SAMD3: variants seen among roughly 807,000 people sequenced by gnomAD.
SAMD3 encodes sterile alpha motif domain containing 3.
A neutral mutation model predicts 58.5 loss-of-function variants in SAMD3; 63 were observed. The observed-to-expected ratio is 1.08, with a 90% CI of 0.88 to 1.33. The LOEUF (loss-of-function observed/expected upper bound fraction) is 1.33, where lower values mean the gene tolerates loss of function less well. Ranked by LOEUF, SAMD3 falls within the 40% of genes most tolerant of loss-of-function variation. The pLI is 0.00. For synonymous variants in SAMD3, 220 were observed against 210.3 expected (o/e 1.05, Z -0.40); for missense variants, 604 against 608.4 (o/e 0.99, Z 0.08).
upstream of SAMD3, among the ~76,000 whole-genome samples, chr6:130,225,080 AAG>A (rs1209538987): frequency 6.6e-6 from 1 of 152,192 alleles, no homozygotes; most frequent in African/African-American, 2.4e-5. Flanking sequence ...AGTACTGAGC[AAG>A]AGAGTGAGTG....
intron 8 of SAMD3, among the ~76,000 whole-genome samples, chr6:130,168,021 T>C (rs1231322977): frequency 5.9e-5 from 9 of 152,124 alleles, no homozygotes; most frequent in Non-Finnish European, 1.3e-4. Context: ...AGAGCAAAAA[T>C]GGCAAAGAGA....
intron 1 of SAMD3, among the ~76,000 whole-genome samples, chr6:130,363,490 G>T (rs889339457): frequency 1.3e-5 from 2 of 152,116 alleles, no homozygotes; most frequent in Non-Finnish European, 2.9e-5. Context: ...CAGAGGAAGA[G>T]CCTTTTTTTG....
At chr6:130,266,807 T>C (rs12200842) in intron 2 of SAMD3, among the ~76,000 whole-genome samples, 46,977 of 151,716 alleles carry the variant, frequency 0.31, 7,593 homozygotes, top group East Asian at 0.47. Context: ...CTATGCTTCT[T>C]GCGAAAAGCG....
Position 130,145,323 on chromosome 6 carries a change from A to G in SAMD3, c.1278+17T>C. The G allele has an allele frequency of 7.2e-7, 1 of 1,384,620 alleles. No individual in the cohort carries two copies. Among genetic ancestry groups the G allele is most frequent in the Non-Finnish European group, 9.9e-7 (1 of 1,011,666 alleles). 85.8% of individuals were successfully genotyped at this position (1,384,620 alleles called of 1,614,324 possible). ...GATGTAAAATGTCAAACTAGTGGCCATTCACATACTACATACCTGTTCATT... is the reference window on the plus strand; with the variant it reads ...GATGTAAAATGTCAAACTAGTGGCCGTTCACATACTACATACCTGTTCATT... On this transcript the variant is annotated intron_variant, in intron 11 of 11. Coordinates refer to ENST00000439090, the MANE Select transcript of SAMD3 (RefSeq NM_001017373.4).
At chr6:130,341,760 T>C (rs557531453) in intron 1 of SAMD3, among the ~76,000 whole-genome samples, 6 of 152,284 alleles carry the variant, frequency 3.9e-5, no homozygotes, top group Non-Finnish European at 5.9e-5. Flanking sequence ...CATGGAAACA[T>C]GATCTTTTGA....
At chr6:130,205,214 T>C (rs1446679002) in intron 5 of SAMD3, among the ~76,000 whole-genome samples, 2 of 151,962 alleles carry the variant, frequency 1.3e-5, no homozygotes, top group East Asian at 1.9e-4. Flanking sequence ...AAAATTGATG[T>C]TATTCAAACA....
intron 2 of SAMD3, among the ~76,000 whole-genome samples, chr6:130,251,958 T>A (rs1398389853): frequency 1.3e-5 from 2 of 152,074 alleles, no homozygotes; most frequent in African/African-American, 4.8e-5. Flanking sequence ...CTTTTTTTTT[T>A]ATTGAACTTC....
At chr6:130,193,545 G>T (rs1388189092) in intron 5 of SAMD3, among the ~76,000 whole-genome samples, 1 of 151,704 alleles carries the variant, frequency 6.6e-6, no homozygotes, top group Admixed American at 6.6e-5. Context: ...CCTTCCCTCT[G>T]TGTCTCTACT....
chr6:130,292,898 G>A (rs531062057), intron 2 of SAMD3, among the ~76,000 whole-genome samples: 6 of 152,158 alleles, frequency 3.9e-5, no homozygotes, highest in African/African-American at 1.2e-4. Flanking sequence ...GATTACATGC[G>A]TGAACCACCA....
At chr6:130,218,088 G>T (rs1216329921) in intron 1 of SAMD3, among the ~76,000 whole-genome samples, 1 of 152,192 alleles carries the variant, frequency 6.6e-6, no homozygotes, top group Non-Finnish European at 1.5e-5. Context: ...TCTCTCTTTA[G>T]TTCAGCTAAG....
intron 2 of SAMD3, chr6:130,215,805 T>C: frequency 6.5e-7 from 1 of 1,534,736 alleles, no homozygotes; most frequent in Non-Finnish European, 8.7e-7. Flanking sequence ...ACCCCTTGCT[T>C]CTCCTGGCTA....
At chr6:130,262,972 T>G (rs1167003352) in intron 2 of SAMD3, among the ~76,000 whole-genome samples, 1 of 152,096 alleles carries the variant, frequency 6.6e-6, no homozygotes, top group African/African-American at 2.4e-5. Context: ...TATAAAAGGT[T>G]AAAAAGAATC....
intron 2 of SAMD3, among the ~76,000 whole-genome samples, chr6:130,253,732 C>T (rs190098679): frequency 5.0e-4 from 73 of 145,618 alleles, no homozygotes; most frequent in African/African-American, 1.8e-3. Context: ...TTCCTTGCCA[C>T]CAAATTAAAA....
At chr6:130,167,791 G>C (rs1354222140) in intron 8 of SAMD3, among the ~76,000 whole-genome samples, 1 of 152,152 alleles carries the variant, frequency 6.6e-6, no homozygotes, top group Non-Finnish European at 1.5e-5. Flanking sequence ...ATGAGGTCTT[G>C]AGATTGGAAA....
At chr6:130,219,741 T>A (rs1582964420) in intron 1 of SAMD3, among the ~76,000 whole-genome samples, 1 of 152,234 alleles carries the variant, frequency 6.6e-6, no homozygotes, top group East Asian at 1.9e-4. Context: ...ATTGATGGGG[T>A]TTGGGGTTGG....
At chr6:130,305,405 C>G (rs1241638359) in intron 2 of SAMD3, among the ~76,000 whole-genome samples, 2 of 152,026 alleles carry the variant, frequency 1.3e-5, no homozygotes, top group African/African-American at 4.8e-5. Context: ...AATTCTTTGA[C>G]TTATTTTTTC....
chr6:130,267,345 A>C (rs1774396343), intron 2 of SAMD3, among the ~76,000 whole-genome samples: 1 of 152,194 alleles, frequency 6.6e-6, no homozygotes, highest in African/African-American at 2.4e-5. Context: ...TACTTCTTCA[A>C]ATGATAAAAA....
intron 5 of SAMD3, among the ~76,000 whole-genome samples, chr6:130,191,706 A>C (rs1793564477): frequency 6.6e-6 from 1 of 151,930 alleles, no homozygotes; most frequent in Non-Finnish European, 1.5e-5. Context: ...AATTTAAAGG[A>C]ATTTTTTCAT....
At chr6:130,286,588 A>G (rs1775163194) in intron 2 of SAMD3, among the ~76,000 whole-genome samples, 1 of 152,132 alleles carries the variant, frequency 6.6e-6, no homozygotes, top group Admixed American at 6.5e-5. Context: ...TGGCCTACTC[A>G]TTGAAAATTA....
Sources: gnomAD v4.1 joint callset for allele counts (sites outside exome capture counted in the v4.1 genomes callset) on GRCh38, gnomAD v4.1.1 for gene constraint, MANE v1.5 for transcripts, NCBI Gene and HGNC (gene_info 2026-07-23, HGNC 2026-07-21) for gene names.